Variants in HACD2 observed in about 807,000 individuals in gnomAD.
HACD2 encodes very-long-chain (3R)-3-hydroxyacyl-CoA dehydratase 2.
A neutral mutation model predicts 31.0 loss-of-function variants in HACD2; 15 were observed. That is an observed-to-expected ratio of 0.48 (90% confidence interval 0.32 to 0.75). HACD2 has a LOEUF of 0.75. HACD2 is among the 30% of genes least tolerant of loss of function. The pLI, the probability that HACD2 is intolerant of heterozygous loss-of-function variation, is 0.03. For missense variants in HACD2, 283 were observed against 313.0 expected, an observed-to-expected ratio of 0.90 and a Z score of 0.72; for synonymous variants, 115 against 122.2, an observed-to-expected ratio of 0.94 and a Z score of 0.39.
At chr3:123,506,943 CAT>C (rs1301074443) in intron 4 of HACD2, among the ~76,000 whole-genome samples, 1 of 152,112 alleles carries the variant, frequency 6.6e-6, no homozygotes, top group African/African-American at 2.4e-5. Context: ...AACATATAAA[CAT>C]ATGATTTTAT....
At chr3:123,570,436 C>T (rs2056841645) in intron 2 of HACD2, among the ~76,000 whole-genome samples, 1 of 151,916 alleles carries the variant, frequency 6.6e-6, no homozygotes. Flanking sequence ...AATAAAAGGG[C>T]AGATGTAGAG....
At chr3:123,523,257 A>G in intron 4 of HACD2, among the ~76,000 whole-genome samples, 1 of 152,204 alleles carries the variant, frequency 6.6e-6, no homozygotes, top group South Asian at 2.1e-4. Context: ...GTTGAACGGA[A>G]GAGGGAAAGA....
In HACD2 at chr3:123,548,896, G is replaced by C. The variant is rs150698816; in HGVS notation, c.292+18866C>G. On this transcript the variant is annotated intron_variant, in intron 3 of 6. Transcript: ENST00000383657. ...AGCTTTGGCCTCCCAAAGTGCTGGG[G>C]TTGCAGGCATGAGCTACTGTGCCCA... is the stretch of plus-strand genomic sequence containing the variant. Among the ~76,000 whole-genome samples the C allele has an allele frequency of 4.6e-5, 7 of 151,414 alleles. No homozygotes were observed. The Admixed American group carries it at 4.6e-4, about 10-fold the overall frequency.
intron 4 of HACD2, among the ~76,000 whole-genome samples, chr3:123,526,051 TGGCCTCTGA>T (rs893656527): frequency 2.0e-5 from 3 of 151,750 alleles, no homozygotes; most frequent in African/African-American, 7.3e-5. Flanking sequence ...GAGCAAGCAC[TGGCCTCTGA>T]GGGGCCACAG....
At chr3:123,523,028 G>A (rs1417640010) in intron 4 of HACD2, among the ~76,000 whole-genome samples, 2 of 152,182 alleles carry the variant, frequency 1.3e-5, no homozygotes, top group African/African-American at 4.8e-5. Context: ...GATGGCGCAT[G>A]CTGGGAAGTC....
At chr3:123,564,621 A>G (rs1294784754) in intron 3 of HACD2, among the ~76,000 whole-genome samples, 1 of 152,164 alleles carries the variant, frequency 6.6e-6, no homozygotes, top group African/African-American at 2.4e-5. Flanking sequence ...CAGACACCCA[A>G]CTGCAGGGTT....
At chr3:123,506,515 G>A (rs2055977197) in intron 4 of HACD2, among the ~76,000 whole-genome samples, 1 of 152,074 alleles carries the variant, frequency 6.6e-6, no homozygotes, top group African/African-American at 2.4e-5. Context: ...AACCTCCCAG[G>A]ACAGCCTCCT....
intron 4 of HACD2, among the ~76,000 whole-genome samples, chr3:123,526,239 G>C (rs574646950): frequency 6.6e-6 from 1 of 152,298 alleles, no homozygotes; most frequent in South Asian, 2.1e-4. Flanking sequence ...ACAGCAACAG[G>C]CTTTTCAAGT....
chr3:123,564,128 G>A (rs769415903), intron 3 of HACD2, among the ~76,000 whole-genome samples: 4 of 152,208 alleles, frequency 2.6e-5, no homozygotes, highest in Non-Finnish European at 4.4e-5. Flanking sequence ...GGTGGCCGGC[G>A]GCAGCCCTGA....
intron 4 of HACD2, among the ~76,000 whole-genome samples, chr3:123,527,340 G>A (rs2056297249): frequency 6.6e-6 from 1 of 152,178 alleles, no homozygotes; most frequent in Admixed American, 6.5e-5. Context: ...ATTCCTGAAA[G>A]AAACAATTCC....
chr3:123,491,656 T>TA lies in HACD2; in HGVS notation c.*3231_*3232insT, dbSNP rs2055763197. ...ACTACATTATCAGGTAAAAACAGCT[T>TA]TCAAATGCATGCATAGAAAGTTAAG... On this transcript the variant is annotated 3_prime_UTR_variant, in exon 7 of 7. Transcript: ENST00000383657. 6.6e-6 allele frequency: 1 copy of TA among 152,620 alleles called. No homozygotes were observed. Among genetic ancestry groups the TA allele is most frequent in the Non-Finnish European group, 1.5e-5 (1 of 68,032 alleles). The allele number at this position is 152,620 out of a possible 1,614,324, so 9.5% of individuals were successfully genotyped here.
At chr3:123,512,046 A>T (rs1463882058) in intron 4 of HACD2, among the ~76,000 whole-genome samples, 2 of 152,152 alleles carry the variant, frequency 1.3e-5, no homozygotes, top group Non-Finnish European at 1.5e-5. Flanking sequence ...TGCTGGTGCC[A>T]TGCTTTTTAT....
intron 4 of HACD2, among the ~76,000 whole-genome samples, chr3:123,503,632 G>A (rs1448473333): frequency 3.3e-5 from 5 of 150,064 alleles, no homozygotes; most frequent in Admixed American, 1.3e-4. Flanking sequence ...TCCCAGCTGG[G>A]TTTGTAATGA....
intron 4 of HACD2, among the ~76,000 whole-genome samples, chr3:123,504,723 A>C (rs985279579): frequency 6.6e-6 from 1 of 152,208 alleles, no homozygotes; most frequent in Non-Finnish European, 1.5e-5. Context: ...CGATGGCATA[A>C]GTCTTTTAAA....
chr3:123,497,472 C>A (rs2107677239), intron 6 of HACD2, among the ~76,000 whole-genome samples: 1 of 152,280 alleles, frequency 6.6e-6, no homozygotes, highest in South Asian at 2.1e-4. Flanking sequence ...GACGACAGCA[C>A]CAGATATGCT....
chr3:123,495,240 CA>C (rs1449138993), intron 6 of HACD2, among the ~76,000 whole-genome samples: 1 of 152,210 alleles, frequency 6.6e-6, no homozygotes, highest in East Asian at 1.9e-4. Context: ...TGCCACAGAA[CA>C]GCCAAATAAT....
intron 6 of HACD2, among the ~76,000 whole-genome samples, chr3:123,496,421 C>A: frequency 6.6e-6 from 1 of 152,138 alleles, no homozygotes; most frequent in East Asian, 1.9e-4. Flanking sequence ...TAAATGGGTT[C>A]CAAGCTGGCC....
At chr3:123,560,892 G>A (rs1308450733) in intron 3 of HACD2, among the ~76,000 whole-genome samples, 1 of 152,216 alleles carries the variant, frequency 6.6e-6, no homozygotes, top group East Asian at 1.9e-4. Context: ...GCACAGGTGT[G>A]AAAGCAGAAT....
chr3:123,565,003 T>G (rs1441033637), intron 3 of HACD2, among the ~76,000 whole-genome samples: 1 of 152,136 alleles, frequency 6.6e-6, no homozygotes, highest in Non-Finnish European at 1.5e-5. Flanking sequence ...GTCCTCAGGA[T>G]GGACTATACC....
Sources: gnomAD v4.1 joint callset for allele counts (sites outside exome capture counted in the v4.1 genomes callset) on GRCh38, gnomAD v4.1.1 for gene constraint, MANE v1.5 for transcripts, NCBI Gene and HGNC (gene_info 2026-07-23, HGNC 2026-07-21) for gene names.